ALDH1A2: variants seen among roughly 807,000 people sequenced by gnomAD.
ALDH1A2 encodes retinal dehydrogenase 2.
Under a neutral mutation model 60.3 loss-of-function variants are expected in ALDH1A2, and 27 were observed. The ratio of observed to expected loss-of-function variants is 0.45; its 90% CI spans 0.33 to 0.62. ALDH1A2 has a LOEUF of 0.62. Ranked by LOEUF, ALDH1A2 falls within the 20% of genes least tolerant of loss-of-function variation. ALDH1A2 has a pLI of 0.02. For missense variants in ALDH1A2, 581 were observed against 643.8 expected (o/e 0.90, Z 1.06); for synonymous variants, 289 against 232.4 (o/e 1.24, Z -2.21).
chr15:57,958,412 C>T (rs1297671625), intron 12 of ALDH1A2, among the ~76,000 whole-genome samples: 3 of 152,132 alleles, frequency 2.0e-5, no homozygotes, highest in African/African-American at 7.2e-5. Context: ...AGAAAAAGGA[C>T]AGGAAAAGTG....
In ALDH1A2 at chr15:58,013,845, T is replaced by C. The variant is rs751430988; in HGVS notation, c.363+13A>G. 3 of 1,614,144 alleles carry C rather than the reference T, an allele frequency of 1.9e-6. No homozygotes were observed. The Admixed American group carries it at 5.0e-5, about 27-fold the overall frequency. On this transcript the variant is annotated intron_variant, in intron 3 of 12. Coordinates refer to ENST00000249750, the MANE Select transcript of ALDH1A2 (RefSeq NM_003888.4). ...TGTGGGTTAAAGACTTAATGTTTTC[T>C]TAGGTTACTTACTGCAAGAACTGCC... is the stretch of plus-strand genomic sequence containing the variant.
chr15:58,050,973 T>C (rs1322422807), intron 1 of ALDH1A2, among the ~76,000 whole-genome samples: 4 of 152,182 alleles, frequency 2.6e-5, no homozygotes, highest in African/African-American at 9.6e-5. Context: ...ATGAGTGATT[T>C]CTCCACAGGA....
chr15:58,027,144 T>C (rs1205619777), intron 1 of ALDH1A2, among the ~76,000 whole-genome samples: 2 of 152,160 alleles, frequency 1.3e-5, no homozygotes, highest in Non-Finnish European at 1.5e-5. Context: ...AGACACCTCA[T>C]ACAGGCAGGT....
intron 1 of ALDH1A2, among the ~76,000 whole-genome samples, chr15:58,029,225 C>A (rs901159499): frequency 6.6e-6 from 1 of 152,118 alleles, no homozygotes; most frequent in East Asian, 1.9e-4. Flanking sequence ...CAAATTAGAA[C>A]TCAGGGTAAG....
At chr15:58,000,041 T>A (rs534605317) in intron 4 of ALDH1A2, among the ~76,000 whole-genome samples, 1 of 151,626 alleles carries the variant, frequency 6.6e-6, no homozygotes, top group Non-Finnish European at 1.5e-5. Context: ...ACAACAGACA[T>A]TGGCACCTTT....
At chr15:58,030,063 A>G (rs1056003726) in intron 1 of ALDH1A2, among the ~76,000 whole-genome samples, 3 of 152,224 alleles carry the variant, frequency 2.0e-5, no homozygotes, top group African/African-American at 7.2e-5. Context: ...TCCTGATACC[A>G]AAGTCTGGCA....
At chr15:57,974,796 TAA>T (rs1184012224) in intron 7 of ALDH1A2, among the ~76,000 whole-genome samples, 5 of 152,200 alleles carry the variant, frequency 3.3e-5, no homozygotes, top group South Asian at 4.1e-4. Context: ...TTAAAAACTT[TAA>T]GAGACACTGG....
intron 7 of ALDH1A2, among the ~76,000 whole-genome samples, chr15:57,966,082 T>A (rs554584984): frequency 2.6e-5 from 4 of 152,324 alleles, no homozygotes; most frequent in Non-Finnish European, 4.4e-5. Context: ...AAATCTGGAA[T>A]CTTAATCACT....
chr15:57,973,327 A>G (rs1012073280), intron 7 of ALDH1A2, among the ~76,000 whole-genome samples: 62 of 152,316 alleles, frequency 4.1e-4, no homozygotes, highest in African/African-American at 1.3e-3. Flanking sequence ...ATCTGAGTAA[A>G]GTTGTTGGCT....
At chr15:58,010,970 A>C (rs1191297766) in intron 3 of ALDH1A2, among the ~76,000 whole-genome samples, 192 bp from the exon 4 acceptor site, 1 of 152,226 alleles carries the variant, frequency 6.6e-6, no homozygotes, top group African/African-American at 2.4e-5. Context: ...TAAAAACCAC[A>C]ATGAGTATAT....
At chr15:57,955,849 A>G (rs1278819509) in intron 12 of ALDH1A2, among the ~76,000 whole-genome samples, 1 of 151,922 alleles carries the variant, frequency 6.6e-6, no homozygotes, top group South Asian at 2.1e-4. Flanking sequence ...TCTCTTCTCT[A>G]TTCTCCTGTT....
intron 1 of ALDH1A2, among the ~76,000 whole-genome samples, chr15:58,062,417 T>TCA (rs1389148028): frequency 6.6e-6 from 1 of 152,118 alleles, no homozygotes; most frequent in East Asian, 1.9e-4. Flanking sequence ...GGGAATCTGT[T>TCA]AAGAGATATC....
intron 1 of ALDH1A2, among the ~76,000 whole-genome samples, chr15:58,040,073 A>T (rs1485984642): frequency 6.6e-6 from 1 of 151,932 alleles, no homozygotes; most frequent in Non-Finnish European, 1.5e-5. Context: ...ACCTACTATG[A>T]ATATGCTCCA....
At chr15:58,017,234 T>A (rs1288131162) in intron 1 of ALDH1A2, among the ~76,000 whole-genome samples, 1 of 152,216 alleles carries the variant, frequency 6.6e-6, no homozygotes, top group African/African-American at 2.4e-5. Flanking sequence ...ACCTGGACCA[T>A]CCTGCTCTGA....
At chr15:57,957,899 G>A (rs1054913664) in intron 12 of ALDH1A2, among the ~76,000 whole-genome samples, 23 of 152,100 alleles carry the variant, frequency 1.5e-4, no homozygotes, top group African/African-American at 5.3e-4. Context: ...GAGCTTGCAG[G>A]TGGTCAGGAC....
intron 1 of ALDH1A2, among the ~76,000 whole-genome samples, chr15:58,036,894 C>G: frequency 6.6e-6 from 1 of 151,700 alleles, no homozygotes; most frequent in Non-Finnish European, 1.5e-5. Flanking sequence ...GGAAGTATGA[C>G]CTGGAGTAGG....
chr15:58,019,160 A>AAAAAG (rs1264628478), intron 1 of ALDH1A2, among the ~76,000 whole-genome samples: 1 of 152,188 alleles, frequency 6.6e-6, no homozygotes, highest in African/African-American at 2.4e-5. Flanking sequence ...AAAGCAAAAA[A>AAAAAG]AAAAGTTTAA....
chr15:57,988,496 CGAAGA>C (rs1288838129), intron 7 of ALDH1A2, among the ~76,000 whole-genome samples: 2 of 152,040 alleles, frequency 1.3e-5, no homozygotes, highest in African/African-American at 2.4e-5. Flanking sequence ...AATGAAAACA[CGAAGA>C]GTAGATATTA....
intron 1 of ALDH1A2, among the ~76,000 whole-genome samples, chr15:58,063,133 ATTTAT>A (rs1897084870): frequency 6.6e-6 from 1 of 152,228 alleles, no homozygotes; most frequent in Non-Finnish European, 1.5e-5. Context: ...TAGTCTGGTC[ATTTAT>A]TTTAAGTAGT....
Sources: gnomAD v4.1 joint callset for allele counts (sites outside exome capture counted in the v4.1 genomes callset) on GRCh38, gnomAD v4.1.1 for gene constraint, MANE v1.5 for transcripts, NCBI Gene and HGNC (gene_info 2026-07-23, HGNC 2026-07-21) for gene names.